The following C10orf67 variants were observed in gnomAD, a reference collection of about 807,000 sequenced individuals.
C10orf67 encodes the protein uncharacterized protein C10orf67, mitochondrial.
A neutral mutation model predicts 35.6 loss-of-function variants in C10orf67; 60 were observed. The observed-to-expected ratio is 1.68, with a 90% confidence interval of 1.37 to 2.09. The LOEUF (loss-of-function observed/expected upper bound fraction) is 2.09, where lower values mean the gene tolerates loss of function less well. Ranked by LOEUF, C10orf67 falls within the 30% of genes most tolerant of loss-of-function variation. The pLI, the probability that C10orf67 is intolerant of heterozygous loss-of-function variation, is 0.00. For missense variants in C10orf67, 474 were observed against 330.2 expected (o/e 1.44, Z -3.38); for synonymous variants, 167 against 115.8 (o/e 1.44, Z -2.84).
At chr10:23,320,150 G>A (rs937569767) in intron 4 of C10orf67, among the ~76,000 whole-genome samples, 1 of 152,206 alleles carries the variant, frequency 6.6e-6, no homozygotes, top group Non-Finnish European at 1.5e-5. Flanking sequence ...AAATACAGAT[G>A]TGTTGAGTGC....
chr10:23,213,845 C>A (rs1254401740), intron 15 of C10orf67, among the ~76,000 whole-genome samples: 5 of 151,090 alleles, frequency 3.3e-5, no homozygotes, highest in Admixed American at 6.6e-5. Flanking sequence ...TAAAAATAGT[C>A]CAAATATATC....
At chr10:23,336,694 A>G (rs949416280) in intron 1 of C10orf67, among the ~76,000 whole-genome samples, 1 of 151,996 alleles carries the variant, frequency 6.6e-6, no homozygotes, top group Admixed American at 6.6e-5. Context: ...TTGTATTTTT[A>G]GTAGAGATGA....
intron 7 of C10orf67, among the ~76,000 whole-genome samples, chr10:23,289,186 C>T (rs1032184676): frequency 6.6e-6 from 1 of 152,124 alleles, no homozygotes; most frequent in Non-Finnish European, 1.5e-5. Flanking sequence ...GTGTTTCAGA[C>T]AGGGTCTCAC....
intron 15 of C10orf67, among the ~76,000 whole-genome samples, chr10:23,210,919 C>T (rs1841289243): frequency 6.6e-6 from 1 of 152,120 alleles, no homozygotes; most frequent in African/African-American, 2.4e-5. Context: ...AACTCCTTAC[C>T]CTAAGTCTTA....
At chr10:23,342,365 A>G (rs1255322631) in intron 1 of C10orf67, among the ~76,000 whole-genome samples, 1 of 152,108 alleles carries the variant, frequency 6.6e-6, no homozygotes, top group Non-Finnish European at 1.5e-5. Context: ...ATTCCTGACT[A>G]GGATGCAAAC....
chr10:23,315,402 A>G (rs956527974), intron 4 of C10orf67, among the ~76,000 whole-genome samples: 2 of 152,182 alleles, frequency 1.3e-5, no homozygotes, highest in East Asian at 3.8e-4. Flanking sequence ...TAGAAGACAC[A>G]AAGAACTATA....
chr10:23,307,272 A>C (rs573329285), intron 4 of C10orf67, among the ~76,000 whole-genome samples: 1 of 152,328 alleles, frequency 6.6e-6, no homozygotes, highest in Admixed American at 6.5e-5. Context: ...TTATAAAGAA[A>C]CCATTTGATT....
intron 4 of C10orf67, among the ~76,000 whole-genome samples, chr10:23,306,830 A>G (rs1844303161): frequency 2.6e-5 from 4 of 152,178 alleles, no homozygotes; most frequent in African/African-American, 9.7e-5. Context: ...AAATCATCAC[A>G]TTGTATACCT....
rs1323294329 is a variant in C10orf67 at position 23,287,558 on chromosome 10, G to A, written c.909+2342C>T. Among the ~76,000 whole-genome samples, 5 of 152,286 alleles carry A rather than the reference G, an allele frequency of 3.3e-5. No individual in the cohort carries two copies. The South Asian group carries it at 1.0e-3, about 32-fold the overall frequency. On this transcript the variant is annotated intron_variant, in intron 7 of 15. Coordinates refer to ENST00000636213, the MANE Select transcript of C10orf67 (RefSeq NM_001371909.1). ...CCTAGGCAATACCATTCAGGACATAGGTGTGGGCAAACACTTCATGACAAA... is the reference window on the plus strand; with the variant it reads ...CCTAGGCAATACCATTCAGGACATAAGTGTGGGCAAACACTTCATGACAAA...
At chr10:23,253,073 C>T (rs1041969827) in intron 10 of C10orf67, among the ~76,000 whole-genome samples, 4 of 151,530 alleles carry the variant, frequency 2.6e-5, no homozygotes, top group Admixed American at 2.6e-4. Flanking sequence ...CTTGCTCCTC[C>T]TTGCCTTCTG....
intron 15 of C10orf67, among the ~76,000 whole-genome samples, chr10:23,204,618 T>C (rs2131694600): frequency 6.6e-6 from 1 of 152,350 alleles, no homozygotes; most frequent in Admixed American, 6.5e-5. Context: ...AAGAGTTGTC[T>C]GTGTTTGGGC....
At chr10:23,342,818 C>G (rs1845956992) in intron 1 of C10orf67, among the ~76,000 whole-genome samples, 2 of 152,370 alleles carry the variant, frequency 1.3e-5, no homozygotes, top group South Asian at 4.1e-4. Context: ...CTCACTGGGT[C>G]AGTCCCACTG....
chr10:23,301,472 G>A (rs988747290), intron 5 of C10orf67, among the ~76,000 whole-genome samples: 18 of 152,322 alleles, frequency 1.2e-4, no homozygotes, highest in African/African-American at 3.8e-4. Context: ...AATAGCAAGC[G>A]AAAGTGGTCC....
intron 13 of C10orf67, among the ~76,000 whole-genome samples, chr10:23,238,421 G>A (rs980856056): frequency 6.6e-6 from 1 of 152,180 alleles, no homozygotes; most frequent in Non-Finnish European, 1.5e-5. Flanking sequence ...AGGAAACAGT[G>A]GCATATGGAT....
At chr10:23,229,350 G>A (rs1300128968) in intron 13 of C10orf67, among the ~76,000 whole-genome samples, 6 of 146,268 alleles carry the variant, frequency 4.1e-5, no homozygotes, top group South Asian at 2.2e-4. Flanking sequence ...ACCAAACACC[G>A]CATGTTCTCA....
At chr10:23,264,890 G>A (rs1260126689) in intron 10 of C10orf67, among the ~76,000 whole-genome samples, 1 of 152,172 alleles carries the variant, frequency 6.6e-6, no homozygotes, top group East Asian at 1.9e-4. Context: ...ACCCAGCCTT[G>A]GGCCCCTCAC....
At chr10:23,204,858 G>C (rs1028146605) in intron 15 of C10orf67, among the ~76,000 whole-genome samples, 3 of 152,138 alleles carry the variant, frequency 2.0e-5, no homozygotes, top group African/African-American at 7.2e-5. Context: ...AAAGCGTTGG[G>C]GGTCTGAGAC....
Position 23,292,272 on chromosome 10 carries a change from A to T in C10orf67, c.703-993T>A, listed in dbSNP as rs527564457. Reference sequence around the variant, plus strand: ...ATTTTATTGCCATGCATTAAAAAAAAAAAAATTAAGCTCTAATGGATTGGG... The same window carrying T: ...ATTTTATTGCCATGCATTAAAAAAATAAAAATTAAGCTCTAATGGATTGGG... On this transcript the variant is annotated intron_variant, in intron 5 of 15. Transcript: ENST00000636213. Among the ~76,000 whole-genome samples, 4 of 151,756 alleles carry T rather than the reference A, an allele frequency of 2.6e-5. No individual in the cohort carries two copies. The East Asian group carries it at 7.8e-4, about 29-fold the overall frequency.
intron 7 of C10orf67, among the ~76,000 whole-genome samples, chr10:23,283,617 C>A (rs1324441715): frequency 6.6e-6 from 1 of 152,138 alleles, no homozygotes; most frequent in Non-Finnish European, 1.5e-5. Context: ...CTGCCCCTTG[C>A]CACTCCTTGC....
Sources: allele counts gnomAD v4.1 joint callset (sites outside exome capture counted in the v4.1 genomes callset), GRCh38; gene constraint gnomAD v4.1.1; transcripts MANE v1.5; gene names NCBI Gene and HGNC (gene_info 2026-07-23, HGNC 2026-07-21).